Variants in GALM observed in about 807,000 individuals in gnomAD.
The protein encoded by GALM is galactose mutarotase.
A neutral mutation model predicts 37.4 loss-of-function variants in GALM; 43 were observed. The ratio of observed to expected loss-of-function variants is 1.15; its 90% CI spans 0.90 to 1.48. The LOEUF is 1.48. Among genes scored for constraint, GALM ranks in the 40% most tolerant of loss-of-function variants. GALM has a pLI of 0.00. For missense variants in GALM, 456 were observed against 419.1 expected, an observed-to-expected ratio of 1.09 and a Z score of -0.77; for synonymous variants, 199 against 170.6, an observed-to-expected ratio of 1.17 and a Z score of -1.30.
At chr2:38,725,706 CT>C (rs749292065) in intron 4 of GALM, among the ~76,000 whole-genome samples, 1 of 151,706 alleles carries the variant, frequency 6.6e-6, no homozygotes, top group Non-Finnish European at 1.5e-5. Context: ...CATTTCTTTT[CT>C]TTTTTTTGTT....
At chr2:38,687,219 G>A (rs191411910) in intron 3 of GALM, among the ~76,000 whole-genome samples, 3 of 152,352 alleles carry the variant, frequency 2.0e-5, no homozygotes, top group Admixed American at 6.5e-5. Flanking sequence ...AGAGAGAGCC[G>A]CACAGAAGAG....
rs1220315292 is a variant in GALM at position 38,675,948 on chromosome 2, T to C, written c.227T>C (p.Ile76Thr). Reference protein sequence around the residue: ...LQKQPYFGAVIGRVANRIAKG... With the variant: ...LQKQPYFGAVTGRVANRIAKG... ...AAGCAGCCATACTTTGGAGCAGTTA[T>C]TGGGAGGGTGGCCAACCGAATCGCC... Residue 76 changes from isoleucine to threonine, a missense_variant, in exon 2 of 7, where the codon ATT becomes ACT. Physicochemically the swap from Ile to Thr is moderately conservative, Grantham distance 89. Transcript: ENST00000272252. 10 of 1,614,018 alleles carry C rather than the reference T, an allele frequency of 6.2e-6. No individual in the cohort carries two copies. The highest frequency in any genetic ancestry group is 8.5e-6 in the Non-Finnish European group (10 of 1,180,002).
At position 38,688,190 on chromosome 2, in the gene GALM, C is replaced by T. The variant is rs571812868; in HGVS notation, c.553-1623C>T. ...TTACACTACTTCACTCCGGCCTGGGCGACAGAGTGAGACTCCGTCTCAAAA... is the reference window on the plus strand; with the variant it reads ...TTACACTACTTCACTCCGGCCTGGGTGACAGAGTGAGACTCCGTCTCAAAA... On this transcript the variant is annotated intron_variant, in intron 3 of 6. Transcript: ENST00000272252. Among the ~76,000 whole-genome samples, 4 of 149,716 alleles carry T rather than the reference C, an allele frequency of 2.7e-5. No homozygotes were observed. In the East Asian group the frequency reaches 5.8e-4, roughly 22 times the overall value.
chr2:38,682,305 G>A, intron 3 of GALM: 1 of 451,026 alleles, frequency 2.2e-6, no homozygotes, highest in Non-Finnish European at 4.5e-6. Context: ...GCTAAACTCT[G>A]TAGATTATAT....
chr2:38,666,130 C>T lies in GALM; in HGVS notation c.-32C>T. 1 of 1,579,904 alleles carries T rather than the reference C, an allele frequency of 6.3e-7. No homozygotes were observed. Among genetic ancestry groups the T allele is most frequent in the Non-Finnish European group, 8.6e-7 (1 of 1,160,398 alleles). On this transcript the variant is annotated 5_prime_UTR_variant, in exon 1 of 7. Transcript: ENST00000272252. ...TTAGCGAGCGCTGGAGTTTGAAGAGCGGGCAGTGGCTGCACACGCCAAACT... is the reference window on the plus strand; with the variant it reads ...TTAGCGAGCGCTGGAGTTTGAAGAGTGGGCAGTGGCTGCACACGCCAAACT...
chr2:38,704,933 A>G (rs1395649297), intron 4 of GALM, among the ~76,000 whole-genome samples: 2 of 152,154 alleles, frequency 1.3e-5, no homozygotes, highest in East Asian at 3.9e-4. Context: ...AGCCTCTAGA[A>G]TAACTCCTGA....
intron 4 of GALM, among the ~76,000 whole-genome samples, chr2:38,708,743 A>T (rs1666093705): frequency 6.6e-6 from 1 of 152,036 alleles, no homozygotes; most frequent in Non-Finnish European, 1.5e-5. Context: ...AAAAAAAAAA[A>T]AAAAAAGAAA....
At chr2:38,689,498 T>G (rs1665620994) in intron 3 of GALM, among the ~76,000 whole-genome samples, 1 of 152,156 alleles carries the variant, frequency 6.6e-6, no homozygotes, top group African/African-American at 2.4e-5. Flanking sequence ...GTGAGAAGAA[T>G]AGAAGAAACA....
chr2:38,713,732 C>T (rs1304520155), intron 4 of GALM, among the ~76,000 whole-genome samples: 1 of 151,926 alleles, frequency 6.6e-6, no homozygotes, highest in African/African-American at 2.4e-5. Context: ...AGAGATACCC[C>T]ATCCCTACAA....
intron 2 of GALM, among the ~76,000 whole-genome samples, chr2:38,680,864 G>A (rs1005528096): frequency 7.9e-5 from 12 of 152,100 alleles, no homozygotes; most frequent in African/African-American, 2.7e-4. Context: ...GACCAGGTGC[G>A]GTGGCTCATG....
At chr2:38,713,637 C>T (rs1436101815) in intron 4 of GALM, among the ~76,000 whole-genome samples, 7 of 152,148 alleles carry the variant, frequency 4.6e-5, no homozygotes, top group African/African-American at 1.7e-4. Flanking sequence ...GGTGTGCTGG[C>T]TCACATTTGT....
chr2:38,700,964 C>G (rs1487128589), intron 4 of GALM, among the ~76,000 whole-genome samples: 3 of 152,118 alleles, frequency 2.0e-5, no homozygotes, highest in African/African-American at 7.2e-5. Flanking sequence ...ATGTGGGACT[C>G]CCTTGAGCAT....
At chr2:38,668,866 CA>C (rs1278034193) in intron 1 of GALM, 3 of 151,870 alleles carry the variant, frequency 2.0e-5, no homozygotes, top group Non-Finnish European at 4.4e-5. Context: ...TACCATATCC[CA>C]AAAATGGTTT....
intron 4 of GALM, among the ~76,000 whole-genome samples, chr2:38,712,404 A>G (rs990020694): frequency 6.6e-6 from 1 of 152,140 alleles, no homozygotes; most frequent in Non-Finnish European, 1.5e-5. Flanking sequence ...GTATTTGAAC[A>G]TATTTGTATT....
intron 4 of GALM, among the ~76,000 whole-genome samples, chr2:38,692,816 G>A (rs1665707873): frequency 6.6e-6 from 1 of 152,212 alleles, no homozygotes; most frequent in Admixed American, 6.5e-5. Context: ...GGAAGGGAAA[G>A]TGGAAGTTTG....
rs1187127220 is a variant in GALM at position 38,733,502 on chromosome 2, T to A, written c.966T>A (p.Pro322=). 1.2e-6 allele frequency: 2 copies of A among 1,613,968 alleles called. No homozygotes were observed. Among genetic ancestry groups the A allele is most frequent in the Non-Finnish European group, 1.7e-6 (2 of 1,179,858 alleles). The change falls in exon 7 of 7, where the codon CCT becomes CCA. Residue 322 remains proline, a synonymous_variant. Transcript: ENST00000272252. The stretch of plus-strand genomic sequence containing the variant: ...CCCCTTCACAGCCCCGCTTCCCTCC[T>A]GTGCTGCTGAGGCCTGGTGAGGAGT... The part of the protein sequence containing the change: ...PDAVNQPRFP[P]VLLRPGEEYD...
At chr2:38,669,403 G>A (rs950683909) in intron 1 of GALM, 2 of 152,260 alleles carry the variant, frequency 1.3e-5, no homozygotes, top group African/African-American at 4.8e-5. Context: ...CTCTCACGCA[G>A]ACCCCCTTAG....
At chr2:38,687,341 C>G (rs746300900) in intron 3 of GALM, among the ~76,000 whole-genome samples, 19 of 152,310 alleles carry the variant, frequency 1.2e-4, no homozygotes, top group Admixed American at 2.0e-4. Context: ...AGAGGAGAGG[C>G]CTTTGCCCTG....
intron 4 of GALM, among the ~76,000 whole-genome samples, chr2:38,725,180 G>A (rs1031809734): frequency 6.6e-6 from 1 of 152,160 alleles, no homozygotes; most frequent in African/African-American, 2.4e-5. Flanking sequence ...ATATAGGTTG[G>A]TAAGACTAAA....
Sources: allele counts gnomAD v4.1 joint callset (sites outside exome capture counted in the v4.1 genomes callset), GRCh38; gene constraint gnomAD v4.1.1; transcripts MANE v1.5; gene names NCBI Gene and HGNC (gene_info 2026-07-23, HGNC 2026-07-21).